The following DEPDC7 variants were observed in gnomAD, a reference collection of about 807,000 sequenced individuals.
DEPDC7 encodes the protein DEP domain-containing protein 7.
In DEPDC7, 41 loss-of-function variants were observed where a neutral mutation model predicts 56.6. That is an observed-to-expected ratio of 0.72 (90% CI 0.56 to 0.94). The LOEUF (loss-of-function observed/expected upper bound fraction) is 0.94. DEPDC7 is among the 40% of genes least tolerant of loss of function. The pLI is 0.00. For missense variants in DEPDC7, 522 were observed against 596.3 expected, an observed-to-expected ratio of 0.88 and a Z score of 1.30; for synonymous variants, 185 against 208.8, an observed-to-expected ratio of 0.89 and a Z score of 0.98.
intron 1 of DEPDC7, among the ~76,000 whole-genome samples, chr11:33,017,334 T>C (rs1168510060): frequency 6.6e-6 from 1 of 152,200 alleles, no homozygotes; most frequent in African/African-American, 2.4e-5. Context: ...TTCCCAAATG[T>C]CACCTGCTTA....
In DEPDC7 at chr11:33,033,499, T is replaced by C; in HGVS notation, c.*44T>C. 1 of 1,274,862 alleles carries C rather than the reference T, an allele frequency of 7.8e-7. No individual in the cohort carries two copies. The highest frequency in any genetic ancestry group is 1.1e-6 in the Non-Finnish European group (1 of 934,758). The allele number at this position is 1,274,862 out of a possible 1,614,324, so 79.0% of individuals were successfully genotyped here. A position where few individuals can be genotyped will look rare whatever the true frequency, so the allele number is the denominator to read the frequency against. ...TAAGTTGTGTATTTTAAGAATAAAT[T>C]ATGTATCCTAAATATCCAATCACAT... On this transcript the variant is annotated 3_prime_UTR_variant, in exon 9 of 9. Transcript: ENST00000241051.
Position 33,015,989 on chromosome 11 carries a change from A to G in DEPDC7, c.34A>G (p.Asn12Asp). Residue 12 changes from asparagine (N) to aspartate (D), a missense_variant, in exon 1 of 9, where the codon AAC (asparagine) becomes GAC (aspartate). Asn to Asp is a conservative substitution (Grantham distance 23, BLOSUM62 1). Transcript: ENST00000241051. ...ATVQEKAAAL[N>D]LSALHSPAHR... ...CGTGCAGGAGAAGGCTGCTGCGCTG[A>G]ACCTCTCGGCTCTCCACAGCCCCGC... The G allele has an allele frequency of 6.4e-7, 1 of 1,574,704 alleles. No individual in the cohort carries two copies. Among genetic ancestry groups the G allele is most frequent in the Non-Finnish European group, 8.6e-7 (1 of 1,161,272 alleles).
chr11:33,015,968 CAGG>C lies in DEPDC7; in HGVS notation c.16_18del (p.Glu6del), dbSNP rs1228047374. 1 of 1,578,402 alleles carries C rather than the reference CAGG, an allele frequency of 6.3e-7. No individual in the cohort carries two copies. The highest frequency in any genetic ancestry group is 2.4e-5 in the East Asian group (1 of 42,462). On this transcript the variant is annotated inframe_deletion, in exon 1 of 9. Transcript: ENST00000241051. ...GGGAGCAAGGGCCATGGCCACCGTG[CAGG>C]AGAAGGCTGCTGCGCTGAACCTCTC...
In DEPDC7 at chr11:33,028,624, AAG is replaced by A; in HGVS notation, c.616_617del (p.Glu206AsnfsTer15). ...GTAGTTATTAATGAAGTGTGGCAAGAAGAAACAATTGGGCGTCTACTACAACT... is the reference window on the plus strand; with the variant it reads ...GTAGTTATTAATGAAGTGTGGCAAGAAAACAATTGGGCGTCTACTACAACT... On this transcript the variant is annotated frameshift_variant, in exon 4 of 9. Transcript: ENST00000241051. LOFTEE classifies it high-confidence loss of function. The A allele has an allele frequency of 6.3e-7, 1 of 1,598,568 alleles. No homozygotes were observed.
chr11:33,025,126 C>T (rs946922565), intron 1 of DEPDC7, among the ~76,000 whole-genome samples: 14 of 152,248 alleles, frequency 9.2e-5, no homozygotes, highest in African/African-American at 3.1e-4. Context: ...GATCTAACTT[C>T]CTGTTCTTCT....
chr11:33,020,849 T>C (rs1347068216), intron 1 of DEPDC7, among the ~76,000 whole-genome samples: 1 of 152,242 alleles, frequency 6.6e-6, no homozygotes. Flanking sequence ...GTTCAACTAT[T>C]TTATCAGTAG....
At position 33,031,429 on chromosome 11, in the gene DEPDC7, C is replaced by T. The variant is rs1853631581; in HGVS notation, c.834C>T (p.Asp278=). 1 of 1,614,112 alleles carries T rather than the reference C, an allele frequency of 6.2e-7. No individual in the cohort carries two copies. Among genetic ancestry groups the T allele is most frequent in the African/African-American group, 1.3e-5 (1 of 75,040 alleles). Residue 278 remains aspartate, a synonymous_variant, in exon 5 of 9, where the codon GAC becomes GAT. Transcript: ENST00000241051. ...TTGACTGTTTAGAATACCTTCCAGA[C>T]CAAATGGTGGTGGAAATAAGCAGAA... ...AAIDCLEYLP[D]QMVVEISRSF...
Position 33,016,145 on chromosome 11 carries a change from G to T in DEPDC7, c.73+117G>T, listed in dbSNP as rs1055204728. 24 of 1,235,190 alleles carry T rather than the reference G, an allele frequency of 1.9e-5. No homozygotes were observed. In the Middle Eastern group the frequency reaches 9.4e-4, roughly 49 times the overall value. The allele number at this position is 1,235,190 out of a possible 1,614,324, so 76.5% of individuals were successfully genotyped here. A position where few individuals can be genotyped will look rare whatever the true frequency, so the allele number is the denominator to read the frequency against. On this transcript the variant is annotated intron_variant, in intron 1 of 8. Coordinates refer to ENST00000241051, the MANE Select transcript of DEPDC7 (RefSeq NM_001077242.2). ...CGGCCGCCTGCGCCTGTCAACGGCC[G>T]GCTGGGCGAGCACAGCACAGCTGCG...
At chr11:33,032,988 T>G in intron 8 of DEPDC7, 21 bp downstream of exon 8, 1 of 1,515,490 alleles carries the variant, frequency 6.6e-7, no homozygotes. Flanking sequence ...AAATATTATT[T>G]TCATGATCTT....
chr11:33,021,168 T>C (rs191032987), intron 1 of DEPDC7, among the ~76,000 whole-genome samples: 2 of 151,886 alleles, frequency 1.3e-5, no homozygotes, highest in Non-Finnish European at 2.9e-5. Context: ...GGAAAATCAC[T>C]TGAAGCAGGG....
intron 1 of DEPDC7, among the ~76,000 whole-genome samples, chr11:33,017,193 A>G (rs1853473646): frequency 6.6e-6 from 1 of 152,230 alleles, no homozygotes; most frequent in Non-Finnish European, 1.5e-5. Context: ...CATAGTGGCC[A>G]CATTGAGAAT....
intron 1 of DEPDC7, among the ~76,000 whole-genome samples, chr11:33,022,529 CAG>C (rs1341307743): frequency 6.6e-6 from 1 of 152,180 alleles, no homozygotes; most frequent in Non-Finnish European, 1.5e-5. Context: ...TGCGAGAAGA[CAG>C]AGCCTGTCAT....
chr11:33,020,377 T>A (rs1244335517), intron 1 of DEPDC7, among the ~76,000 whole-genome samples: 2 of 152,224 alleles, frequency 1.3e-5, no homozygotes, highest in African/African-American at 4.8e-5. Flanking sequence ...GAAAAATAGC[T>A]ATTGTTTTCA....
At chr11:33,029,671 G>A (rs11032100) in intron 4 of DEPDC7, among the ~76,000 whole-genome samples, 61,074 of 151,642 alleles carry the variant, frequency 0.4, 12,445 homozygotes, top group East Asian at 0.45. Context: ...AATTATTGTC[G>A]GTTAAAATAA....
intron 4 of DEPDC7, among the ~76,000 whole-genome samples, chr11:33,030,329 A>G (rs1853620235): frequency 3.3e-5 from 5 of 152,306 alleles, no homozygotes; most frequent in Admixed American, 2.6e-4. Flanking sequence ...ATCTTATCAT[A>G]TAAAGTTGAA....
intron 1 of DEPDC7, among the ~76,000 whole-genome samples, chr11:33,025,176 C>T (rs952204550): frequency 1.3e-5 from 2 of 152,124 alleles, no homozygotes; most frequent in African/African-American, 4.8e-5. Flanking sequence ...GACCTCCCTC[C>T]TATCCTACCA....
At chr11:33,032,085 C>A (rs1415288499) in intron 5 of DEPDC7, among the ~76,000 whole-genome samples, 1 of 152,160 alleles carries the variant, frequency 6.6e-6, no homozygotes, top group Non-Finnish European at 1.5e-5. Flanking sequence ...GGGATTTTAT[C>A]CACAAAGCTA....
intron 1 of DEPDC7, among the ~76,000 whole-genome samples, chr11:33,017,072 C>A (rs1473504794): frequency 1.3e-5 from 2 of 152,176 alleles, no homozygotes; most frequent in African/African-American, 4.8e-5. Flanking sequence ...TTTTAATCTT[C>A]AAAATGCTAA....
At chr11:33,019,434 G>A (rs1308555539) in intron 1 of DEPDC7, among the ~76,000 whole-genome samples, 1 of 152,086 alleles carries the variant, frequency 6.6e-6, no homozygotes, top group East Asian at 1.9e-4. Context: ...GGGAGGTTGA[G>A]GCAGGTGGAT....
Sources: allele counts gnomAD v4.1 joint callset (sites outside exome capture counted in the v4.1 genomes callset), GRCh38; gene constraint gnomAD v4.1.1; transcripts MANE v1.5; gene names NCBI Gene and HGNC (gene_info 2026-07-23, HGNC 2026-07-21).